KPNA4: variants seen among roughly 807,000 people sequenced by gnomAD.
KPNA4 encodes karyopherin subunit alpha 4.
A neutral mutation model predicts 71.3 loss-of-function variants in KPNA4; 13 were observed. The ratio of observed to expected loss-of-function variants is 0.18; its 90% CI spans 0.12 to 0.29. KPNA4 has a LOEUF of 0.29. Ranked by LOEUF, KPNA4 falls within the 10% of genes least tolerant of loss-of-function variation. The pLI is 1.00. For missense variants in KPNA4, 334 were observed against 603.2 expected, an observed-to-expected ratio of 0.55 and a Z score of 4.67; for synonymous variants, 189 against 195.2, an observed-to-expected ratio of 0.97 and a Z score of 0.26.
chr3:160,502,054 A>C lies in KPNA4; in HGVS notation c.*50T>G. On this transcript the variant is annotated 3_prime_UTR_variant, in exon 17 of 17. Coordinates refer to ENST00000334256, the MANE Select transcript of KPNA4 (RefSeq NM_002268.5). ...TATATATATATACACACACACATAT[A>C]TATATATATATCTCAGTGCTGCATT... The C allele has an allele frequency of 1.5e-6, 1 of 671,632 alleles. No individual in the cohort carries two copies. Among genetic ancestry groups the C allele is most frequent in the Non-Finnish European group, 2.5e-6 (1 of 392,194 alleles). The allele number at this position is 671,632 out of a possible 1,614,324, so 41.6% of individuals were successfully genotyped here.
intron 13 of KPNA4, among the ~76,000 whole-genome samples, chr3:160,512,914 A>T (rs1388703970): frequency 6.6e-6 from 1 of 152,180 alleles, no homozygotes. Context: ...TTAGAAAGTC[A>T]CCATTTTGCA....
chr3:160,515,883 G>A (rs997605208), intron 11 of KPNA4, among the ~76,000 whole-genome samples: 1 of 152,102 alleles, frequency 6.6e-6, no homozygotes, highest in Non-Finnish European at 1.5e-5. Flanking sequence ...CAAAAGTGCT[G>A]GGATTATAGG....
intron 11 of KPNA4, 98 bp from the exon 12 acceptor site, chr3:160,515,678 G>A (rs1401513237): frequency 1.3e-5 from 18 of 1,336,552 alleles, no homozygotes; most frequent in African/African-American, 4.4e-5. Context: ...GCAGTGGTGC[G>A]ATCTCAGCTC....
intron 1 of KPNA4, among the ~76,000 whole-genome samples, chr3:160,549,026 T>TA (rs1237459877): frequency 6.6e-6 from 1 of 152,242 alleles, no homozygotes; most frequent in African/African-American, 2.4e-5. Flanking sequence ...TGCATTTCCC[T>TA]AATGATTACT....
Position 160,498,690 on chromosome 3 carries a change from A to C in KPNA4, c.*3414T>G, listed in dbSNP as rs1720816608. ...AGTTCCCATGATTTCTTCAGTTGCTAGGCAATGGATTTTGCCATATGTGCA... is the reference window on the plus strand; with the variant it reads ...AGTTCCCATGATTTCTTCAGTTGCTCGGCAATGGATTTTGCCATATGTGCA... On this transcript the variant is annotated 3_prime_UTR_variant, in exon 17 of 17. Transcript: ENST00000334256. 1 of 152,224 alleles carries C rather than the reference A, an allele frequency of 6.6e-6. No individual in the cohort carries two copies. The highest frequency in any genetic ancestry group is 2.4e-5 in the African/African-American group (1 of 41,452). The allele number at this position is 152,224 out of a possible 1,614,324, so 9.4% of individuals were successfully genotyped here.
intron 1 of KPNA4, among the ~76,000 whole-genome samples, chr3:160,540,232 C>T (rs1721772283): frequency 6.6e-6 from 1 of 152,046 alleles, no homozygotes; most frequent in African/African-American, 2.4e-5. Context: ...AACTCCTGAC[C>T]TCATGATCCA....
intron 6 of KPNA4, 21 bp downstream of exon 6, chr3:160,531,441 A>G: frequency 1.5e-6 from 2 of 1,293,312 alleles, no homozygotes; most frequent in Non-Finnish European, 2.1e-6. Context: ...TTAAAAAAAA[A>G]AAAATAAATA....
In KPNA4 at chr3:160,565,569, T is replaced by C. The variant is rs562820305; in HGVS notation, c.-287A>G. ...GGCTGAGAGGGGGAGGCAGCCTCGA[T>C]CTGAGGGCCCCGGCGCTGCGGCCAC... On this transcript the variant is annotated 5_prime_UTR_variant, in exon 1 of 17. Transcript: ENST00000334256. 7 of 511,394 alleles carry C rather than the reference T, an allele frequency of 1.4e-5. No individual in the cohort carries two copies. The highest frequency in any genetic ancestry group is 4.0e-5 in the Admixed American group (1 of 25,066). 31.7% of individuals were successfully genotyped at this position (511,394 alleles called of 1,614,324 possible). A position where few individuals can be genotyped will look rare whatever the true frequency, so the allele number is the denominator to read the frequency against.
intron 1 of KPNA4, among the ~76,000 whole-genome samples, chr3:160,562,116 A>G (rs370102708): frequency 6.6e-6 from 1 of 152,242 alleles, no homozygotes; most frequent in African/African-American, 2.4e-5. Flanking sequence ...ACCTCTCCCT[A>G]AATGCTATAC....
chr3:160,557,461 C>T (rs761329723), intron 1 of KPNA4, among the ~76,000 whole-genome samples: 5 of 152,104 alleles, frequency 3.3e-5, no homozygotes, highest in Non-Finnish European at 7.4e-5. Context: ...GACAATATGT[C>T]CATCACTGAA....
chr3:160,558,756 T>A (rs1722189868), intron 1 of KPNA4, among the ~76,000 whole-genome samples: 1 of 151,974 alleles, frequency 6.6e-6, no homozygotes, highest in African/African-American at 2.4e-5. Flanking sequence ...TAATACTTTT[T>A]TTAAAAAAAA....
In KPNA4 at chr3:160,531,443, A is replaced by G; in HGVS notation, c.383+19T>C. On this transcript the variant is annotated intron_variant, in intron 6 of 16. Coordinates refer to ENST00000334256, the MANE Select transcript of KPNA4 (RefSeq NM_002268.5). ...GATACATTCTAAATTAAAAAAAAAA[A>G]AATAAATAATGTACTCACTTGTCAT... is the stretch of plus-strand genomic sequence containing the variant. The G allele has an allele frequency of 7.7e-7, 1 of 1,296,968 alleles. No homozygotes were observed. The highest frequency in any genetic ancestry group is 1.1e-6 in the Non-Finnish European group (1 of 946,646). 80.3% of individuals were successfully genotyped at this position (1,296,968 alleles called of 1,614,324 possible). A position where few individuals can be genotyped will look rare whatever the true frequency, so the allele number is the denominator to read the frequency against.
intron 1 of KPNA4, among the ~76,000 whole-genome samples, chr3:160,548,970 A>G (rs1721985375): frequency 6.6e-6 from 1 of 152,110 alleles, no homozygotes; most frequent in Non-Finnish European, 1.5e-5. Context: ...TGTTGTTTTG[A>G]TAGTAGTCAT....
chr3:160,526,840 C>T (rs958528654), intron 8 of KPNA4, among the ~76,000 whole-genome samples: 6 of 152,008 alleles, frequency 3.9e-5, no homozygotes, highest in Admixed American at 6.6e-5. Context: ...ATGTTAATTA[C>T]GGAATGTCAC....
At position 160,496,497 on chromosome 3, in the gene KPNA4, T is replaced by A. The variant is rs906973896; in HGVS notation, c.*5607A>T. The A allele has an allele frequency of 1.3e-5, 2 of 152,172 alleles. No individual in the cohort carries two copies. The highest frequency in any genetic ancestry group is 4.8e-5 in the African/African-American group (2 of 41,430). The allele number at this position is 152,172 out of a possible 1,614,324, so 9.4% of individuals were successfully genotyped here. On this transcript the variant is annotated 3_prime_UTR_variant, in exon 17 of 17. Coordinates refer to ENST00000334256, the MANE Select transcript of KPNA4 (RefSeq NM_002268.5). ...AGGCTGGAGAAAATCTTGGGTAATA[T>A]TAGAGTAACATAGTCTAGGATAGGA... is the stretch of plus-strand genomic sequence containing the variant.
At chr3:160,510,422 G>T (rs915534817) in intron 13 of KPNA4, among the ~76,000 whole-genome samples, 15 of 152,042 alleles carry the variant, frequency 9.9e-5, no homozygotes, top group African/African-American at 3.6e-4. Flanking sequence ...TCTATATATG[G>T]TTATCACAGC....
At chr3:160,523,715 G>A (rs1340524398) in intron 10 of KPNA4, among the ~76,000 whole-genome samples, 1 of 152,074 alleles carries the variant, frequency 6.6e-6, no homozygotes, top group Non-Finnish European at 1.5e-5. Context: ...GCCAGGCGTG[G>A]TGGCGGGCAT....
At chr3:160,517,894 A>G (rs1010143116) in intron 11 of KPNA4, among the ~76,000 whole-genome samples, 4 of 152,034 alleles carry the variant, frequency 2.6e-5, no homozygotes, top group African/African-American at 7.2e-5. Flanking sequence ...TCTAATACCT[A>G]TTCTCTTCTA....
At chr3:160,556,092 C>T (rs1376413498) in intron 1 of KPNA4, among the ~76,000 whole-genome samples, 4 of 152,248 alleles carry the variant, frequency 2.6e-5, no homozygotes. Flanking sequence ...CTTGGCCTCC[C>T]AAAGTGCTTG....
Sources: allele counts gnomAD v4.1 joint callset (sites outside exome capture counted in the v4.1 genomes callset), GRCh38; gene constraint gnomAD v4.1.1; transcripts MANE v1.5; gene names NCBI Gene and HGNC (gene_info 2026-07-23, HGNC 2026-07-21).